The following COL9A2 variants were observed in gnomAD, a reference collection of about 807,000 sequenced individuals.
COL9A2 encodes collagen type IX alpha 2 chain.
Under a neutral mutation model 111.6 loss-of-function variants are expected in COL9A2, and 66 were observed. That is an observed-to-expected ratio of 0.59 (90% confidence interval 0.48 to 0.73). The LOEUF is 0.73. Among genes scored for constraint, COL9A2 ranks in the 30% least tolerant of loss-of-function variants. The pLI, the probability that COL9A2 is intolerant of heterozygous loss-of-function variation, is 0.00. For missense variants in COL9A2, 881 were observed against 954.1 expected (o/e 0.92, Z 1.01); for synonymous variants, 353 against 364.1 (o/e 0.97, Z 0.35).
At position 40,305,875 on chromosome 1, in the gene COL9A2, C is replaced by A. The variant is rs6676129; in HGVS notation, c.1054-107G>T. ...GAGCCTGGAACCAGATGAGCTGGGACGGGGGAGAGGGTATTCTTGGTTCAA... is the reference window on the plus strand; with the variant it reads ...GAGCCTGGAACCAGATGAGCTGGGAAGGGGGAGAGGGTATTCTTGGTTCAA... On this transcript the variant is annotated intron_variant, in intron 20 of 31. Transcript: ENST00000372748. 18,410 of 1,005,326 alleles carry A rather than the reference C, an allele frequency of 0.018. 704 individuals are homozygous for A. The highest frequency in any genetic ancestry group is 0.11 in the East Asian group (4,402 of 41,080). The allele number at this position is 1,005,326 out of a possible 1,614,324, so 62.3% of individuals were successfully genotyped here.
In COL9A2 at chr1:40,310,301, C is replaced by T; in HGVS notation, c.701G>A (p.Arg234Lys). ...IPGPPGPQGI[R>K]GYPGMAGPKG... is the part of the protein sequence containing the mutation. Reference sequence around the variant, plus strand: ...GGGCCCTGCCATGCCTGGGTAGCCCCTGATGCCCTGGGGACCCTGTTGAGA... The same window carrying T: ...GGGCCCTGCCATGCCTGGGTAGCCCTTGATGCCCTGGGGACCCTGTTGAGA... Residue 234 changes from arginine to lysine, a missense_variant, in exon 14 of 32, where the codon AGG (arginine) becomes AAG (lysine). Transcript: ENST00000372748. This position sits in a 1 kb window ranked among gnomAD's most constrained non-coding sequence, Gnocchi z 4.9. The T allele has an allele frequency of 1.9e-6, 3 of 1,614,082 alleles. No homozygotes were observed. Among genetic ancestry groups the T allele is most frequent in the Non-Finnish European group, 2.5e-6 (3 of 1,179,992 alleles).
chr1:40,304,116 G>C lies in COL9A2; in HGVS notation c.1288-17C>G, dbSNP rs771731981. 3 of 1,548,060 alleles carry C rather than the reference G, an allele frequency of 1.9e-6. No individual in the cohort carries two copies. The highest frequency in any genetic ancestry group is 2.6e-6 in the Non-Finnish European group (3 of 1,147,830). ...TGGGGAGCCCTGGAGAAAGCGGGCA[G>C]TGAGGGGTTTGGCGAGCTCCCCCCT... On this transcript the variant is annotated splice_polypyrimidine_tract_variant and intron_variant, in intron 24 of 31. Coordinates refer to ENST00000372748, the MANE Select transcript of COL9A2 (RefSeq NM_001852.4).
At position 40,308,181 on chromosome 1, in the gene COL9A2, C is replaced by T; in HGVS notation, c.900+11G>A. On this transcript the variant is annotated intron_variant, in intron 17 of 31. Coordinates refer to ENST00000372748, the MANE Select transcript of COL9A2 (RefSeq NM_001852.4). ...CCTCTGTCCTGGTGGGCCTAGGCCTCTGGCACCTACCGTTGCTCCTTTCGG... is the reference window on the plus strand; with the variant it reads ...CCTCTGTCCTGGTGGGCCTAGGCCTTTGGCACCTACCGTTGCTCCTTTCGG... The T allele has an allele frequency of 6.2e-7, 1 of 1,614,066 alleles. No individual in the cohort carries two copies.
In COL9A2 at chr1:40,311,620, T is replaced by G. The variant is rs1415796137; in HGVS notation, c.471+42A>C. The G allele has an allele frequency of 6.2e-7, 1 of 1,613,294 alleles. No homozygotes were observed. Reference sequence around the variant, plus strand: ...CAGGCTTGCTCAAAGACCCTTCTCCTTCCCCTGCACTTTGCCATGTCGGGG... The same window carrying G: ...CAGGCTTGCTCAAAGACCCTTCTCCGTCCCCTGCACTTTGCCATGTCGGGG... On this transcript the variant is annotated intron_variant, in intron 9 of 31. Coordinates refer to ENST00000372748, the MANE Select transcript of COL9A2 (RefSeq NM_001852.4). This position sits in a 1 kb window ranked among gnomAD's most constrained non-coding sequence, Gnocchi z 5.1.
rs551506478 is a variant in COL9A2 at position 40,314,644 on chromosome 1, T to G, written c.151-257A>C. The stretch of plus-strand genomic sequence containing the variant: ...AGCAACATGCAAGAAGGTACAGACA[T>G]GCTGATGTCATGAGGTGCCAGCTGT... On this transcript the variant is annotated intron_variant, in intron 2 of 31. Transcript: ENST00000372748. This position sits in a 1 kb window ranked among gnomAD's most constrained non-coding sequence, Gnocchi z 4.1. Among the ~76,000 whole-genome samples the G allele has an allele frequency of 1.3e-5, 2 of 152,066 alleles. No homozygotes were observed. The highest frequency in any genetic ancestry group is 3.9e-4 in the East Asian group (2 of 5,188).
chr1:40,303,686 GA>G lies in COL9A2; in HGVS notation c.1402-11del, dbSNP rs1557792842. ...CTCCACGTACTCCTTGCTGCGGGGG[GA>G]TGGGGGTGGGAGCAGAGCCGGGTGA... On this transcript the variant is annotated splice_polypyrimidine_tract_variant and intron_variant, in intron 27 of 31. Coordinates refer to ENST00000372748, the MANE Select transcript of COL9A2 (RefSeq NM_001852.4). This position sits in a 1 kb window ranked among gnomAD's most constrained non-coding sequence, Gnocchi z 4.6. 6.5e-7 allele frequency: 1 copy of G among 1,549,598 alleles called. No individual in the cohort carries two copies. Among genetic ancestry groups the G allele is most frequent in the African/African-American group, 1.4e-5 (1 of 72,748 alleles).
chr1:40,301,878 C>G lies in COL9A2; in HGVS notation c.1804G>C (p.Glu602Gln). The G allele has an allele frequency of 6.2e-7, 1 of 1,614,082 alleles. No homozygotes were observed. The highest frequency in any genetic ancestry group is 8.5e-7 in the Non-Finnish European group (1 of 1,179,974). The stretch of plus-strand genomic sequence containing the variant: ...CCCACTTCTCCTGGATCACCCTTCT[C>G]TCCACGTTTTCCTGTAGACAAAAAA... The part of the protein sequence containing the change: ...GNTGPKGKRG[E>Q]KGDPGEVGRG... Residue 602 changes from glutamate (E) to glutamine (Q), a missense_variant, in exon 31 of 32, where the codon GAG (glutamate) becomes CAG (glutamine). Physicochemically the swap from Glu to Gln is conservative, Grantham distance 29 (BLOSUM62 2). Transcript: ENST00000372748.
Position 40,301,319 on chromosome 1 carries a change from C to T in COL9A2, c.1933G>A (p.Ala645Thr). The T allele has an allele frequency of 1.2e-6, 2 of 1,611,074 alleles. No homozygotes were observed. Among genetic ancestry groups the T allele is most frequent in the Non-Finnish European group, 1.7e-6 (2 of 1,178,058 alleles). ...GKDGDRGSPG[A>T]PGEAGRPGLP... ...CCAGGTCGACCTGCCTCTCCTGGAG[C>T]CCCTGGGGACCCTCGATCTCCATCC... Residue 645 changes from alanine (A) to threonine (T), a missense_variant, in exon 32 of 32, where the codon GCT (alanine) becomes ACT (threonine). Ala to Thr is a moderately conservative substitution (Grantham distance 58). Transcript: ENST00000372748.
chr1:40,301,113 C>T lies in COL9A2; in HGVS notation c.*69G>A. On this transcript the variant is annotated 3_prime_UTR_variant, in exon 32 of 32. Coordinates refer to ENST00000372748, the MANE Select transcript of COL9A2 (RefSeq NM_001852.4). The stretch of plus-strand genomic sequence containing the variant: ...TGGTTTCCTGGACTGGGGATGGGTG[C>T]ATGTCCACCCAGAGGGGACCTGGTC... 5 of 1,502,638 alleles carry T rather than the reference C, an allele frequency of 3.3e-6. 1 individual carries two copies. The South Asian group carries it at 5.7e-5, about 17-fold the overall frequency. 93.1% of individuals were successfully genotyped at this position (1,502,638 alleles called of 1,614,324 possible).
chr1:40,303,496 G>T lies in COL9A2; in HGVS notation c.1548+34C>A. ...CCGCACCCCAGAACAGATCTACCTA[G>T]AAGAAGCACCTCCTACCCCGGGGCC... On this transcript the variant is annotated intron_variant, in intron 28 of 31. Coordinates refer to ENST00000372748, the MANE Select transcript of COL9A2 (RefSeq NM_001852.4). This position sits in a 1 kb window ranked among gnomAD's most constrained non-coding sequence, Gnocchi z 4.6. 6.2e-7 allele frequency: 1 copy of T among 1,612,356 alleles called. No homozygotes were observed. The highest frequency in any genetic ancestry group is 1.7e-5 in the Admixed American group (1 of 59,970).
At chr1:40,313,220 G>A (rs1280441610) in intron 4 of COL9A2, among the ~76,000 whole-genome samples, 2 of 151,146 alleles carry the variant, frequency 1.3e-5, no homozygotes, top group African/African-American at 2.4e-5. Flanking sequence ...TCAGGCTGGA[G>A]TGCAGTGGCA....
In COL9A2 at chr1:40,301,843, G is replaced by A. The variant is rs375875745; in HGVS notation, c.1839C>T (p.His613=). 8 of 1,613,992 alleles carry A rather than the reference G, an allele frequency of 5.0e-6. No homozygotes were observed. The African/African-American group carries it at 6.7e-5, about 13-fold the overall frequency. ...KGDPGEVGRG[H]PGMPGPPGIP... is the part of the protein sequence containing the mutation. ...TCCCTGGGGGCCCAGGCATCCCGGG[G>A]TGCCCCCGTCCCACTTCTCCTGGAT... Residue 613 remains histidine (H), a synonymous_variant, in exon 31 of 32, where the codon CAC becomes CAT. Coordinates refer to ENST00000372748, the MANE Select transcript of COL9A2 (RefSeq NM_001852.4).
At position 40,311,614 on chromosome 1, in the gene COL9A2, T is replaced by C; in HGVS notation, c.471+48A>G. 2 of 1,613,582 alleles carry C rather than the reference T, an allele frequency of 1.2e-6. No homozygotes were observed. The highest frequency in any genetic ancestry group is 1.7e-6 in the Non-Finnish European group (2 of 1,179,596). ...CCGCCGCAGGCTTGCTCAAAGACCCTTCTCCTTCCCCTGCACTTTGCCATG... is the reference window on the plus strand; with the variant it reads ...CCGCCGCAGGCTTGCTCAAAGACCCCTCTCCTTCCCCTGCACTTTGCCATG... On this transcript the variant is annotated intron_variant, in intron 9 of 31. Transcript: ENST00000372748. This position sits in a 1 kb window ranked among gnomAD's most constrained non-coding sequence, Gnocchi z 5.1.
At position 40,311,603 on chromosome 1, in the gene COL9A2, C is replaced by T; in HGVS notation, c.472-56G>A. On this transcript the variant is annotated intron_variant, in intron 9 of 31. Transcript: ENST00000372748. The surrounding 1 kb of genome is among the most constrained non-coding windows in gnomAD (Gnocchi z 5.1). ...CTGACCCTTTCCCGCCGCAGGCTTG[C>T]TCAAAGACCCTTCTCCTTCCCCTGC... is the stretch of plus-strand genomic sequence containing the variant. 1.9e-6 allele frequency: 3 copies of T among 1,613,724 alleles called. No individual in the cohort carries two copies. Among genetic ancestry groups the T allele is most frequent in the Non-Finnish European group, 2.5e-6 (3 of 1,179,698 alleles).
At chr1:40,309,845 A>T (rs1425658359) in intron 16 of COL9A2, 93 bp downstream of exon 16, 9 of 1,230,898 alleles carry the variant, frequency 7.3e-6, no homozygotes, top group Non-Finnish European at 1.1e-5. Context: ...GCACACACTC[A>T]TGCACTCTCA....
chr1:40,306,125 A>C lies in COL9A2; in HGVS notation c.1053+18T>G. The C allele has an allele frequency of 6.2e-7, 1 of 1,614,010 alleles. No homozygotes were observed. The highest frequency in any genetic ancestry group is 8.5e-7 in the Non-Finnish European group (1 of 1,179,942). On this transcript the variant is annotated intron_variant, in intron 20 of 31. Coordinates refer to ENST00000372748, the MANE Select transcript of COL9A2 (RefSeq NM_001852.4). ...GACTTCCTTGCTCAATTCTGTCCCC[A>C]GCTTGGGATCGCCTCACCTGGTCTC...
At position 40,304,520 on chromosome 1, in the gene COL9A2, C is replaced by T. The variant is rs747278976; in HGVS notation, c.1171G>A (p.Gly391Ser). 1.9e-6 allele frequency: 3 copies of T among 1,614,192 alleles called. No individual in the cohort carries two copies. Among genetic ancestry groups the T allele is most frequent in the Non-Finnish European group, 8.5e-7 (1 of 1,180,024 alleles). ...GGTTGCCCCACTGGACCCCTCTCGC[C>T]TTGGTCACCCTGAAATGGAAAGAGA... ...QGIMGQKGDQ[G>S]ERGPVGQPGP... The change falls in exon 23 of 32, where the codon GGC becomes AGC. Residue 391 changes from glycine to serine, a missense_variant. Transcript: ENST00000372748.
At position 40,303,516 on chromosome 1, in the gene COL9A2, G is replaced by A. The variant is rs547385976; in HGVS notation, c.1548+14C>T. On this transcript the variant is annotated intron_variant, in intron 28 of 31. Transcript: ENST00000372748. The surrounding 1 kb of genome is among the most constrained non-coding windows in gnomAD (Gnocchi z 4.6). ...ACCTAGAAGAAGCACCTCCTACCCCGGGGCCCGACTCACCTCCACGCCCTG... is the reference window on the plus strand; with the variant it reads ...ACCTAGAAGAAGCACCTCCTACCCCAGGGCCCGACTCACCTCCACGCCCTG... 2.5e-6 allele frequency: 4 copies of A among 1,612,646 alleles called. No homozygotes were observed. The highest frequency in any genetic ancestry group is 3.3e-5 in the Admixed American group (2 of 59,986).
chr1:40,311,971 G>T lies in COL9A2; in HGVS notation c.417+88C>A. The T allele has an allele frequency of 7.2e-7, 1 of 1,393,234 alleles. No homozygotes were observed. The highest frequency in any genetic ancestry group is 1.0e-6 in the Non-Finnish European group (1 of 1,000,044). The allele number at this position is 1,393,234 out of a possible 1,614,324, so 86.3% of individuals were successfully genotyped here. ...AGGAGTTTCCCAGTGGCCAGGAGCA[G>T]GCCCAGGAACTTCCAGAAAGACCAC... On this transcript the variant is annotated intron_variant, in intron 8 of 31. Transcript: ENST00000372748. The surrounding 1 kb of genome is among the most constrained non-coding windows in gnomAD (Gnocchi z 5.1).
Sources: gnomAD v4.1 joint callset for allele counts (sites outside exome capture counted in the v4.1 genomes callset) on GRCh38, gnomAD v4.1.1 for gene constraint, Gnocchi (gnomAD v3.1) non-coding constraint, MANE v1.5 for transcripts, NCBI Gene and HGNC (gene_info 2026-07-23, HGNC 2026-07-21) for gene names.